SDK1: variants seen among roughly 807,000 people sequenced by gnomAD.
SDK1 encodes the protein sidekick cell adhesion molecule 1, also known as protein sidekick-1.
A neutral mutation model predicts 245.5 loss-of-function variants in SDK1; 157 were observed. The observed-to-expected ratio is 0.64, with a 90% CI of 0.56 to 0.73. SDK1 has a LOEUF of 0.73. SDK1 is among the 30% of genes least tolerant of loss of function. The pLI is 0.00. For synonymous variants in SDK1, 1,647 were observed against 1,278.5 expected, an observed-to-expected ratio of 1.29 and a Z score of -6.15; for missense variants, 3,583 against 3,002.3, an observed-to-expected ratio of 1.19 and a Z score of -4.52.
At chr7:3,530,413 C>G (rs541735822) in intron 1 of SDK1, among the ~76,000 whole-genome samples, 1 of 152,192 alleles carries the variant, frequency 6.6e-6, no homozygotes, top group South Asian at 2.1e-4. Flanking sequence ...TAGGGCTTCC[C>G]AAATTACTAA....
rs114940129 is a variant in SDK1 at position 3,533,940 on chromosome 7, C to A, written c.299-85140C>A. Among the ~76,000 whole-genome samples, 391 of 152,270 alleles carry A rather than the reference C, an allele frequency of 2.6e-3. 2 individuals are homozygous for A. Among genetic ancestry groups the A allele is most frequent in the African/African-American group, 9.0e-3 (372 of 41,554 alleles). On this transcript the variant is annotated intron_variant, in intron 1 of 44. Coordinates refer to ENST00000404826, the MANE Select transcript of SDK1 (RefSeq NM_152744.4). The stretch of plus-strand genomic sequence containing the variant: ...CTTAACATGAGATCTACCCTCTTAG[C>A]AGATTTTTTAAGGTGTACAATACAG...
chr7:3,506,273 A>AT (rs1782390161), intron 1 of SDK1, among the ~76,000 whole-genome samples: 1 of 151,698 alleles, frequency 6.6e-6, no homozygotes, highest in Non-Finnish European at 1.5e-5. Flanking sequence ...AGTTTTATTT[A>AT]TTTTTTCCTG....
intron 17 of SDK1, among the ~76,000 whole-genome samples, chr7:4,029,407 C>T (rs1787617021): frequency 6.6e-6 from 1 of 151,982 alleles, no homozygotes. Flanking sequence ...GACAGGATTT[C>T]ACCATGTTGG....
At chr7:3,368,885 G>T (rs1211842620) in intron 1 of SDK1, among the ~76,000 whole-genome samples, 1 of 152,050 alleles carries the variant, frequency 6.6e-6, no homozygotes, top group South Asian at 2.1e-4. Context: ...ATTGCTTCCT[G>T]TACTCTCTAT....
At chr7:3,824,745 G>T (rs1277199645) in intron 5 of SDK1, among the ~76,000 whole-genome samples, 1 of 152,160 alleles carries the variant, frequency 6.6e-6, no homozygotes, top group Non-Finnish European at 1.5e-5. Flanking sequence ...TGAAGCTTAT[G>T]GGAAGCAAAA....
At chr7:3,982,811 G>A (rs1051342523) in intron 13 of SDK1, among the ~76,000 whole-genome samples, 2 of 151,882 alleles carry the variant, frequency 1.3e-5, no homozygotes, top group Non-Finnish European at 2.9e-5. Flanking sequence ...CTGCACTCCA[G>A]CGTGGGCGAC....
At chr7:3,934,615 G>C (rs897880595) in intron 5 of SDK1, among the ~76,000 whole-genome samples, 14 of 152,238 alleles carry the variant, frequency 9.2e-5, no homozygotes, top group Non-Finnish European at 1.5e-4. Flanking sequence ...GGCACTTACT[G>C]TTTGCCAGAT....
chr7:3,750,426 T>A (rs1411097253), intron 4 of SDK1, among the ~76,000 whole-genome samples: 4 of 152,210 alleles, frequency 2.6e-5, no homozygotes, highest in Non-Finnish European at 5.9e-5. Context: ...GAATCAACTC[T>A]TCAGTGATAC....
At chr7:3,588,329 A>C (rs1780754853) in intron 1 of SDK1, among the ~76,000 whole-genome samples, 1 of 152,192 alleles carries the variant, frequency 6.6e-6, no homozygotes. Flanking sequence ...GATATTTATT[A>C]AGTTTGTTTA....
chr7:3,518,467 G>T (rs1782820996), intron 1 of SDK1, among the ~76,000 whole-genome samples: 1 of 150,022 alleles, frequency 6.7e-6, no homozygotes, highest in Non-Finnish European at 1.5e-5. Context: ...GAATGTACTA[G>T]GAACTTAAAC....
intron 5 of SDK1, among the ~76,000 whole-genome samples, chr7:3,828,317 G>T (rs1779828257): frequency 1.3e-5 from 2 of 151,828 alleles, no homozygotes; most frequent in South Asian, 2.1e-4. Context: ...ATTACTATAT[G>T]ACTTTTGGCA....
At chr7:3,655,817 G>A (rs2128657555) in intron 4 of SDK1, among the ~76,000 whole-genome samples, 1 of 152,056 alleles carries the variant, frequency 6.6e-6, no homozygotes, top group East Asian at 1.9e-4. Context: ...TTCAGTCCCG[G>A]CCCTGCCACG....
intron 5 of SDK1, among the ~76,000 whole-genome samples, chr7:3,897,953 T>C (rs1302435257): frequency 6.6e-6 from 1 of 152,174 alleles, no homozygotes; most frequent in Admixed American, 6.5e-5. Context: ...TTTCCTTTTC[T>C]GCTCTTATTC....
intron 22 of SDK1, among the ~76,000 whole-genome samples, chr7:4,095,351 C>A (rs910579454): frequency 6.6e-6 from 1 of 152,050 alleles, no homozygotes; most frequent in African/African-American, 2.4e-5. Flanking sequence ...TCAGCTCCCC[C>A]ACACCTGAGG....
chr7:3,965,799 G>C (rs992093849), intron 9 of SDK1, among the ~76,000 whole-genome samples: 7 of 152,126 alleles, frequency 4.6e-5, no homozygotes, highest in African/African-American at 1.7e-4. Flanking sequence ...TGGCTGCCGG[G>C]TGGGGCTTCT....
intron 22 of SDK1, among the ~76,000 whole-genome samples, chr7:4,083,643 TCCTTCCTCCACCCCTCCCTTC>T (rs1781217707): frequency 4.2e-5 from 4 of 94,696 alleles, no homozygotes; most frequent in Admixed American, 9.7e-5. Flanking sequence ...TTTCCTTCCT[TCCTTCCTCCACCCCTCCCTTC>T]TTTCCTCCCT....
chr7:4,192,923 A>T (rs2128223055), intron 35 of SDK1, among the ~76,000 whole-genome samples: 1 of 151,172 alleles, frequency 6.6e-6, no homozygotes, highest in Non-Finnish European at 1.5e-5. Flanking sequence ...AAATACTTTT[A>T]CCATATATCC....
chr7:3,517,690 A>C (rs1388750950), intron 1 of SDK1, among the ~76,000 whole-genome samples: 1 of 152,248 alleles, frequency 6.6e-6, no homozygotes, highest in East Asian at 1.9e-4. Context: ...TTGTTCTGCT[A>C]AGGCTTTCAG....
chr7:3,530,014 T>C (rs1384284840), intron 1 of SDK1, among the ~76,000 whole-genome samples: 1 of 152,138 alleles, frequency 6.6e-6, no homozygotes, highest in African/African-American at 2.4e-5. Context: ...TATTTAAGAG[T>C]ATTCCTTAGA....
Sources: allele counts gnomAD v4.1 joint callset (sites outside exome capture counted in the v4.1 genomes callset), GRCh38; gene constraint gnomAD v4.1.1; transcripts MANE v1.5; gene names NCBI Gene and HGNC (gene_info 2026-07-23, HGNC 2026-07-21).